TBC1D32: variants seen among roughly 807,000 people sequenced by gnomAD.
The protein encoded by TBC1D32 is protein broad-minded.
TBC1D32 carries 151 observed loss-of-function variants against 170.3 expected under a neutral mutation model. That is an observed-to-expected ratio of 0.89 (90% CI 0.78 to 1.01). The LOEUF (loss-of-function observed/expected upper bound fraction) is 1.01. TBC1D32 is among the 50% of genes least tolerant of loss of function. The probability of loss-of-function intolerance (pLI) is 0.00; values close to 1 mark genes in which losing one functional copy is unlikely to be tolerated. For missense variants in TBC1D32, 1,464 were observed against 1,457.1 expected (o/e 1.00, Z -0.08); for synonymous variants, 498 against 488.0 (o/e 1.02, Z -0.27).
chr6:121,272,263 T>C (rs1310222231), intron 15 of TBC1D32, among the ~76,000 whole-genome samples: 1 of 152,064 alleles, frequency 6.6e-6, no homozygotes, highest in African/African-American at 2.4e-5. Context: ...AAATGGGATC[T>C]AACTAAACTA....
At chr6:121,241,825 ATT>A (rs933134766) in intron 18 of TBC1D32, among the ~76,000 whole-genome samples, 2 of 152,152 alleles carry the variant, frequency 1.3e-5, no homozygotes, top group African/African-American at 4.8e-5. Context: ...CTCTACAAAT[ATT>A]TTTGTTTCCT....
intron 20 of TBC1D32, among the ~76,000 whole-genome samples, chr6:121,231,494 C>T (rs1795731112): frequency 1.3e-5 from 2 of 152,144 alleles, no homozygotes; most frequent in Non-Finnish European, 2.9e-5. Context: ...AAGGAATCTC[C>T]ACGCTGTTTC....
chr6:121,189,993 G>A (rs948327605), intron 22 of TBC1D32, among the ~76,000 whole-genome samples: 9 of 151,066 alleles, frequency 6.0e-5, no homozygotes, highest in African/African-American at 2.2e-4. Flanking sequence ...GTGAAAATGG[G>A]CATTTAGCAT....
chr6:121,285,996 A>G (rs1295363716), intron 12 of TBC1D32, among the ~76,000 whole-genome samples: 1 of 152,192 alleles, frequency 6.6e-6, no homozygotes, highest in Non-Finnish European at 1.5e-5. Context: ...ATACGTCACC[A>G]TCATCAAAGA....
chr6:121,334,683 G>A, upstream of TBC1D32: 1 of 536,568 alleles, frequency 1.9e-6, no homozygotes. Context: ...TTCAGTACCA[G>A]CAGACCTCAG....
intron 22 of TBC1D32, among the ~76,000 whole-genome samples, chr6:121,198,277 T>TACAC (rs1213532943): frequency 1.6e-5 from 2 of 128,442 alleles, no homozygotes; most frequent in Non-Finnish European, 3.4e-5. Context: ...ATATATAATA[T>TACAC]ACACACACAC....
At chr6:121,136,896 T>C (rs1283182904) in intron 24 of TBC1D32, among the ~76,000 whole-genome samples, 5 of 152,150 alleles carry the variant, frequency 3.3e-5, no homozygotes, top group African/African-American at 1.2e-4. Context: ...TTAAGCATAC[T>C]AGTACGTTAC....
At chr6:121,126,876 T>C (rs1310489798) in intron 25 of TBC1D32, among the ~76,000 whole-genome samples, 1 of 152,114 alleles carries the variant, frequency 6.6e-6, no homozygotes, top group Non-Finnish European at 1.5e-5. Context: ...CAGGACATAT[T>C]ATATGTTTTA....
At position 121,253,227 on chromosome 6, in the gene TBC1D32, A is replaced by T. The variant is rs191352026; in HGVS notation, c.2018+2101T>A. 3.7e-3 allele frequency among the ~76,000 whole-genome samples: 569 copies of T among 152,320 alleles called. 4 individuals are homozygous for T. The highest frequency in any genetic ancestry group is 6.9e-3 in the Non-Finnish European group (466 of 68,026). ...GTCTAACAAAGGACTAATTTCCAGA[A>T]TCTACAAAGAAGCCAAAGAAATCAG... On this transcript the variant is annotated intron_variant, in intron 17 of 31. Transcript: ENST00000398212.
intron 19 of TBC1D32, among the ~76,000 whole-genome samples, chr6:121,239,627 G>A (rs958530322): frequency 6.6e-6 from 1 of 152,086 alleles, no homozygotes; most frequent in African/African-American, 2.4e-5. Context: ...GGCATCCAAA[G>A]AGTGTATGCT....
intron 29 of TBC1D32, among the ~76,000 whole-genome samples, chr6:121,111,419 AG>A (rs1346504054): frequency 6.6e-6 from 1 of 152,214 alleles, no homozygotes; most frequent in East Asian, 1.9e-4. Flanking sequence ...CATTATCAAA[AG>A]ATTTTCAACA....
Position 121,247,695 on chromosome 6 carries a change from C to CAAAAAAAAA in TBC1D32, c.2019-5365_2019-5357dup, listed in dbSNP as rs34914027. The stretch of plus-strand genomic sequence containing the variant: ...ATATCAGATAAAACAGGCTTTAAAG[C>CAAAAAAAAA]AAAAAAAAAAAAAAAAAAAAAAAGA... On this transcript the variant is annotated intron_variant, in intron 17 of 31. Transcript: ENST00000398212. Among the ~76,000 whole-genome samples, 440 of 46,282 alleles carry CAAAAAAAAA rather than the reference C, an allele frequency of 9.5e-3. 3 individuals are homozygous for CAAAAAAAAA. Among genetic ancestry groups the CAAAAAAAAA allele is most frequent in the East Asian group, 0.025 (32 of 1,302 alleles). 30.4% of individuals were successfully genotyped at this position (46,282 alleles called of 152,430 possible).
At chr6:121,197,998 T>C (rs1790977975) in intron 22 of TBC1D32, among the ~76,000 whole-genome samples, 1 of 151,834 alleles carries the variant, frequency 6.6e-6, no homozygotes, top group South Asian at 2.1e-4. Flanking sequence ...GCCTACATCT[T>C]TCTCCTGCGC....
chr6:121,153,459 G>A (rs1772047114), intron 24 of TBC1D32, among the ~76,000 whole-genome samples: 1 of 152,134 alleles, frequency 6.6e-6, no homozygotes, highest in African/African-American at 2.4e-5. Context: ...TCCCCATCTG[G>A]AGGTATGGGG....
chr6:121,169,794 A>C (rs1786693016), intron 22 of TBC1D32, among the ~76,000 whole-genome samples: 1 of 152,166 alleles, frequency 6.6e-6, no homozygotes, highest in African/African-American at 2.4e-5. Context: ...TTTAAAAATT[A>C]ATTACAGACA....
At position 121,281,698 on chromosome 6, in the gene TBC1D32, T is replaced by C. The variant is rs1803007303; in HGVS notation, c.1466-12A>G. 6.4e-7 allele frequency: 1 copy of C among 1,559,960 alleles called. No homozygotes were observed. ...AGGAGAGTAATTCTCTAATAAACAA[T>C]AAATATTTTTTAATACCAAAACATT... On this transcript the variant is annotated splice_polypyrimidine_tract_variant and intron_variant, in intron 13 of 31. Coordinates refer to ENST00000398212, the MANE Select transcript of TBC1D32 (RefSeq NM_152730.6).
chr6:121,231,526 A>C (rs1334343212), intron 20 of TBC1D32, among the ~76,000 whole-genome samples: 1 of 152,138 alleles, frequency 6.6e-6, no homozygotes, highest in Non-Finnish European at 1.5e-5. Flanking sequence ...ATACTAGTTT[A>C]CATTCCCACT....
At position 121,239,139 on chromosome 6, in the gene TBC1D32, T is replaced by C; in HGVS notation, c.2295A>G (p.Gly765=). The change falls in exon 20 of 32, where the codon GGA becomes GGG. Residue 765 remains glycine, a synonymous_variant. Coordinates refer to ENST00000398212, the MANE Select transcript of TBC1D32 (RefSeq NM_152730.6). The part of the protein sequence containing the change: ...ITELWSNLEY[G]RDDVRVTHPR... ...GATGGGTTACCCTAACATCATCTCT[T>C]CCATATTCCAGATTGGACCATAATT... 6.2e-7 allele frequency: 1 copy of C among 1,605,938 alleles called. No individual in the cohort carries two copies. Among genetic ancestry groups the C allele is most frequent in the Non-Finnish European group, 8.5e-7 (1 of 1,174,388 alleles).
At chr6:121,183,140 A>G (rs997809236) in intron 22 of TBC1D32, among the ~76,000 whole-genome samples, 2 of 152,036 alleles carry the variant, frequency 1.3e-5, no homozygotes, top group African/African-American at 4.8e-5. Context: ...TGTCTATCCC[A>G]CACAAAAACA....
Sources: allele counts gnomAD v4.1 joint callset (sites outside exome capture counted in the v4.1 genomes callset), GRCh38; gene constraint gnomAD v4.1.1; transcripts MANE v1.5; gene names NCBI Gene and HGNC (gene_info 2026-07-23, HGNC 2026-07-21).